Variants in CETP observed in about 807,000 individuals in gnomAD.
The protein encoded by CETP is cholesteryl ester transfer protein.
CETP carries 56 observed loss-of-function variants against 66.5 expected under a neutral mutation model. The observed-to-expected ratio is 0.84, with a 90% CI of 0.68 to 1.05. The LOEUF is 1.05. CETP is among the 50% of genes least tolerant of loss of function. The pLI is 0.00. For missense variants in CETP, 612 were observed against 609.6 expected (o/e 1.00, Z -0.04); for synonymous variants, 251 against 245.7 (o/e 1.02, Z -0.20).
chr16:56,967,345 CACAAACAA>C (rs1160116053), intron 2 of CETP, among the ~76,000 whole-genome samples: 1 of 142,602 alleles, frequency 7.0e-6, no homozygotes, highest in African/African-American at 2.5e-5. Context: ...AATTCTGTCA[CACAAACAA>C]ACAAACAAAC....
At chr16:56,983,187 G>A in intron 14 of CETP, 139 bp from the exon 15 acceptor site, 1 of 738,928 alleles carries the variant, frequency 1.4e-6, no homozygotes, top group Non-Finnish European at 2.4e-6. Context: ...TGCTCACTCT[G>A]CTAAATCAAA....
chr16:56,965,843 C>A (rs2056061914), intron 2 of CETP, among the ~76,000 whole-genome samples: 1 of 147,656 alleles, frequency 6.8e-6, no homozygotes, highest in Non-Finnish European at 1.5e-5. Flanking sequence ...TTCACTGAGC[C>A]CCACCTCTGA....
At position 56,969,929 on chromosome 16, in the gene CETP, G is replaced by A; in HGVS notation, c.455G>A (p.Arg152Lys). The A allele has an allele frequency of 6.2e-7, 1 of 1,614,172 alleles. No homozygotes were observed. Among genetic ancestry groups the A allele is most frequent in the South Asian group, 1.1e-5 (1 of 91,068 alleles). The part of the protein sequence containing the change: ...INTQLTCDSG[R>K]VRTDAPDCYL... The stretch of plus-strand genomic sequence containing the variant: ...CTCCCTGCAGCCTGTGACTCTGGTA[G>A]AGTGCGGACCGATGCCCCTGACTGC... The change falls in exon 5 of 16, where the codon AGA becomes AAA. Residue 152 changes from arginine to lysine, a missense_variant. Transcript: ENST00000200676.
intron 11 of CETP, among the ~76,000 whole-genome samples, chr16:56,978,929 G>A (rs565359861): frequency 1.2e-4 from 18 of 152,234 alleles, no homozygotes; most frequent in African/African-American, 3.1e-4. Flanking sequence ...AGGTTCCAGC[G>A]ATTCTCATGC....
chr16:56,975,632 T>C (rs75511668), intron 10 of CETP, among the ~76,000 whole-genome samples: 2,323 of 152,302 alleles, frequency 0.015, 95 homozygotes, highest in East Asian at 0.13. Context: ...ATGATGTTCA[T>C]AATCCCACTC....
intron 10 of CETP, 52 bp downstream of exon 10, chr16:56,975,203 C>A: frequency 6.4e-7 from 1 of 1,553,144 alleles, no homozygotes; most frequent in Non-Finnish European, 8.9e-7. Flanking sequence ...CCCAATCCTG[C>A]TCTGGCTTCA....
chr16:56,962,332 T>A (rs771497434), intron 1 of CETP: 8 of 722,940 alleles, frequency 1.1e-5, no homozygotes, highest in Non-Finnish European at 1.8e-5. Flanking sequence ...AACAGCCAGG[T>A]ATAGGGATTT....
intron 11 of CETP, 40 bp from the exon 12 acceptor site, chr16:56,981,118 A>G: frequency 6.8e-7 from 1 of 1,480,612 alleles, no homozygotes; most frequent in Admixed American, 1.7e-5. Context: ...CTGCTTCGGG[A>G]AGAGCCCTGG....
At chr16:56,976,474 TC>T (rs2056150801) in intron 10 of CETP, among the ~76,000 whole-genome samples, 2 of 151,788 alleles carry the variant, frequency 1.3e-5, no homozygotes, top group African/African-American at 4.8e-5. Flanking sequence ...TTCTTTTCTT[TC>T]TTTTTTTTTT....
At chr16:56,978,946 C>T (rs2056169408) in intron 11 of CETP, among the ~76,000 whole-genome samples, 1 of 152,228 alleles carries the variant, frequency 6.6e-6, no homozygotes, top group South Asian at 2.1e-4. Context: ...ATGCCTCAGC[C>T]TCCCAGGTAG....
rs1416319575 is a variant in CETP at position 56,981,245 on chromosome 16, G to C, written c.1214+20G>C. The C allele has an allele frequency of 1.9e-6, 3 of 1,598,578 alleles. No individual in the cohort carries two copies. The Admixed American group carries it at 5.0e-5, about 27-fold the overall frequency. On this transcript the variant is annotated intron_variant, in intron 12 of 15. Coordinates refer to ENST00000200676, the MANE Select transcript of CETP (RefSeq NM_000078.3). ...TTTCCAGTATGTGCTGCAGAGAAGA[G>C]AGGGGGCGGTCAACTCCGCAAACCT... is the stretch of plus-strand genomic sequence containing the variant.
At chr16:56,962,910 T>C in intron 1 of CETP, 100 bp from the exon 2 acceptor site, 2 of 1,014,850 alleles carry the variant, frequency 2.0e-6, no homozygotes, top group South Asian at 2.6e-5. Flanking sequence ...GCTGGGAGCC[T>C]CATCTCAGAG....
chr16:56,979,779 T>C (rs909927833), intron 11 of CETP, among the ~76,000 whole-genome samples: 9 of 152,168 alleles, frequency 5.9e-5, no homozygotes, highest in Non-Finnish European at 1.0e-4. Flanking sequence ...AGTGCTGGGA[T>C]TACAGGCATG....
rs12720925 is a variant in CETP at position 56,971,513 on chromosome 16, T to C, written c.658+132T>C. ...ATGGGCTCTATCTGGCTCTGACACT[T>C]GATGATTAGTTATGAGCATACTTTG... is the stretch of plus-strand genomic sequence containing the variant. On this transcript the variant is annotated intron_variant, in intron 7 of 15. Coordinates refer to ENST00000200676, the MANE Select transcript of CETP (RefSeq NM_000078.3). The C allele has an allele frequency of 3.6e-3, 3,052 of 847,668 alleles. 44 individuals are homozygous for C. In the African/African-American group the frequency reaches 0.039, roughly 11 times the overall value. The allele number at this position is 847,668 out of a possible 1,614,324, so 52.5% of individuals were successfully genotyped here. A position where few individuals can be genotyped will look rare whatever the true frequency, so the allele number is the denominator to read the frequency against.
At chr16:56,979,019 G>A (rs2056169807) in intron 11 of CETP, among the ~76,000 whole-genome samples, 2 of 152,126 alleles carry the variant, frequency 1.3e-5, no homozygotes, top group Admixed American at 1.3e-4. Flanking sequence ...TAGAGACAGG[G>A]TTTCGCTATG....
chr16:56,981,094 A>G, intron 11 of CETP, 64 bp from the exon 12 acceptor site: 10 of 1,198,834 alleles, frequency 8.3e-6, no homozygotes, highest in South Asian at 1.2e-5. Flanking sequence ...GCCCTGAGCT[A>G]GGAGGGTTGC....
rs555830445 is a variant in CETP, at chr16:56,981,263, G to A, written c.1214+38G>A. On this transcript the variant is annotated intron_variant, in intron 12 of 15. Transcript: ENST00000200676. Reference sequence around the variant, plus strand: ...GAGAAGAGAGGGGGCGGTCAACTCCGCAAACCTCTCCCTGGCCCCTTGGAG... The same window carrying A: ...GAGAAGAGAGGGGGCGGTCAACTCCACAAACCTCTCCCTGGCCCCTTGGAG... 5.1e-5 allele frequency: 76 copies of A among 1,501,724 alleles called. 1 individual carries two copies. In the South Asian group the frequency reaches 5.9e-4, roughly 12 times the overall value. 93.0% of individuals were successfully genotyped at this position (1,501,724 alleles called of 1,614,324 possible). A position where few individuals can be genotyped will look rare whatever the true frequency, so the allele number is the denominator to read the frequency against.
At chr16:56,975,282 G>A in intron 10 of CETP, 131 bp downstream of exon 10, 1 of 796,538 alleles carries the variant, frequency 1.3e-6, no homozygotes, top group Non-Finnish European at 2.1e-6. Context: ...CTCCTACTCG[G>A]TTGTTCGGCA....
At position 56,983,659 on chromosome 16, in the gene CETP, T is replaced by C; in HGVS notation, c.1475T>C (p.Leu492Ser). Residue 492 changes from leucine to serine, a missense_variant, in exon 16 of 16, where the codon TTG becomes TCG. Physicochemically the swap from Leu to Ser is moderately radical, Grantham distance 145. Coordinates refer to ENST00000200676, the MANE Select transcript of CETP (RefSeq NM_000078.3). ...CTGCTGGTGGATTTCCTCCAGAGCT[T>C]GAGCTAGAAGTCTCCAAGGAGGTCG... ...EHLLVDFLQS[L>S]S The C allele has an allele frequency of 6.2e-7, 1 of 1,614,148 alleles. No individual in the cohort carries two copies. Among genetic ancestry groups the C allele is most frequent in the South Asian group, 1.1e-5 (1 of 91,082 alleles).
Sources: allele counts gnomAD v4.1 joint callset (sites outside exome capture counted in the v4.1 genomes callset), GRCh38; gene constraint gnomAD v4.1.1; transcripts MANE v1.5; gene names NCBI Gene and HGNC (gene_info 2026-07-23, HGNC 2026-07-21).